The following APC variants were observed in gnomAD, a reference collection of about 807,000 sequenced individuals.
APC encodes the protein adenomatous polyposis coli protein.
In APC, 72 loss-of-function variants were observed where a neutral mutation model predicts 247.0. The observed-to-expected ratio is 0.29, with a 90% CI of 0.24 to 0.35. The LOEUF (loss-of-function observed/expected upper bound fraction) is 0.35, where lower values mean the gene tolerates loss of function less well. Ranked by LOEUF, APC falls within the 10% of genes least tolerant of loss-of-function variation. The probability of loss-of-function intolerance (pLI) is 1.00; values close to 1 mark genes in which losing one functional copy is unlikely to be tolerated. For synonymous variants in APC, 1,254 were observed against 1,162.5 expected, an observed-to-expected ratio of 1.08 and a Z score of -1.60; for missense variants, 3,400 against 3,360.7, an observed-to-expected ratio of 1.01 and a Z score of -0.29.
chr5:112,806,587 T>TTGATTG (rs1561523191), intron 8 of APC, among the ~76,000 whole-genome samples: 1 of 148,704 alleles, frequency 6.7e-6, no homozygotes, highest in African/African-American at 2.5e-5. Flanking sequence ...TTTATTTATT[T>TTGATTG]ATTTATTGAG....
At chr5:112,829,504 G>A (rs1011380732) in intron 14 of APC, 1 of 160,010 alleles carries the variant, frequency 6.2e-6, no homozygotes, top group Non-Finnish European at 1.4e-5. Flanking sequence ...AACTCCTAAA[G>A]TACTAAGGTA....
At chr5:112,798,432 C>A (rs1760436581) in intron 7 of APC, among the ~76,000 whole-genome samples, 1 of 152,166 alleles carries the variant, frequency 6.6e-6, no homozygotes, top group Non-Finnish European at 1.5e-5. Flanking sequence ...TGTAAATGGA[C>A]AGCAGGAATT....
intron 14 of APC, among the ~76,000 whole-genome samples, chr5:112,833,690 A>T (rs1764558832): frequency 6.6e-6 from 1 of 152,166 alleles, no homozygotes; most frequent in Admixed American, 6.5e-5. Flanking sequence ...TTACAATTTG[A>T]CAGTTGACTT....
intron 1 of APC, among the ~76,000 whole-genome samples, chr5:112,720,414 C>G (rs1751419682): frequency 6.6e-6 from 1 of 152,076 alleles, no homozygotes; most frequent in Non-Finnish European, 1.5e-5. Context: ...GCTCACTTGC[C>G]TTTAAAAAAC....
intron 2 of APC, among the ~76,000 whole-genome samples, chr5:112,763,068 A>C (rs1755844130): frequency 6.6e-6 from 1 of 152,176 alleles, no homozygotes; most frequent in Non-Finnish European, 1.5e-5. Flanking sequence ...CTACTTTGGG[A>C]ATCTTTTTAA....
intron 1 of APC, among the ~76,000 whole-genome samples, chr5:112,720,925 T>G (rs1393243254): frequency 6.6e-6 from 1 of 151,566 alleles, no homozygotes. Context: ...GAGAGAAGAG[T>G]AAGGGGTTTG....
At chr5:112,795,002 G>C (rs1391902146) in intron 7 of APC, among the ~76,000 whole-genome samples, 1 of 152,164 alleles carries the variant, frequency 6.6e-6, no homozygotes, top group Non-Finnish European at 1.5e-5. Flanking sequence ...ATCTAGGCAT[G>C]TCACTCTTCT....
chr5:112,773,749 T>C (rs999231623), intron 4 of APC, among the ~76,000 whole-genome samples: 1 of 152,172 alleles, frequency 6.6e-6, no homozygotes, highest in African/African-American at 2.4e-5. Flanking sequence ...CAGAAAATTA[T>C]ATGCAGCCCA....
intron 10 of APC, among the ~76,000 whole-genome samples, chr5:112,821,620 A>C (rs993359602): frequency 1.7e-4 from 26 of 152,190 alleles, no homozygotes; most frequent in Admixed American, 3.3e-4. Flanking sequence ...GTTATTAGCT[A>C]TATGAGTAAT....
intron 2 of APC, among the ~76,000 whole-genome samples, chr5:112,763,657 A>G (rs1265026119): frequency 2.6e-5 from 4 of 152,196 alleles, no homozygotes; most frequent in Non-Finnish European, 4.4e-5. Context: ...CTTTTCTAAA[A>G]ACAAGTAGGA....
At chr5:112,709,102 G>A (rs1050876289) in intron 1 of APC, among the ~76,000 whole-genome samples, 1 of 152,310 alleles carries the variant, frequency 6.6e-6, no homozygotes, top group Non-Finnish European at 1.5e-5. Context: ...CAAATGGGTG[G>A]ACCTTTTTTA....
At chr5:112,708,023 C>G in intron 1 of APC, 1 of 902,676 alleles carries the variant, frequency 1.1e-6, no homozygotes. Flanking sequence ...CCTCCCCGCA[C>G]TCCCCATTCA....
chr5:112,808,845 A>G (rs945283538), intron 8 of APC, among the ~76,000 whole-genome samples: 2 of 152,206 alleles, frequency 1.3e-5, no homozygotes, highest in East Asian at 3.8e-4. Flanking sequence ...ATATTCAAGA[A>G]GTAGAATCAG....
At position 112,837,873 on chromosome 5, in the gene APC, T is replaced by C; in HGVS notation, c.2279T>C (p.Leu760Pro). 6.2e-7 allele frequency: 1 copy of C among 1,614,060 alleles called. No individual in the cohort carries two copies. Among genetic ancestry groups the C allele is most frequent in the Non-Finnish European group, 8.5e-7 (1 of 1,180,016 alleles). ...CTTCATGTTAGGAAACAAAAAGCCC[T>C]AGAAGCAGAATTAGATGCTCAGCAC... ...PSLHVRKQKA[L>P]EAELDAQHLS... is the part of the protein sequence containing the mutation. Residue 760 changes from leucine to proline, a missense_variant, in exon 16 of 16, where the codon CTA becomes CCA. Physicochemically the swap from Leu to Pro is moderately conservative, Grantham distance 98. Transcript: ENST00000257430.
Position 112,843,510 on chromosome 5 carries a change from A to C in APC, c.7916A>C (p.Glu2639Ala), listed in dbSNP as rs778376399. Residue 2639 changes from glutamate (E) to alanine (A), a missense_variant, in exon 16 of 16, where the codon GAA becomes GCA. Physicochemically the swap from Glu to Ala is moderately radical, Grantham distance 107 (BLOSUM62 -1). Around this residue, in one of 9 missense-constraint regions of APC, gnomAD observed 1,788 missense variants for 1,649.5 expected, o/e 1.08. Transcript: ENST00000257430. This position sits in a 1 kb window ranked among gnomAD's most constrained non-coding sequence, Gnocchi z 4.8. ...TCCTCAGGTGCTACAAATGGTGCTG[A>C]ATCAAAGACTCTAATTTATCAAATG... Reference protein sequence around the residue: ...TVSSGATNGAESKTLIYQMAP... With the variant: ...TVSSGATNGAASKTLIYQMAP... The C allele has an allele frequency of 3.7e-6, 6 of 1,613,798 alleles. No homozygotes were observed. Among genetic ancestry groups the C allele is most frequent in the Non-Finnish European group, 5.1e-6 (6 of 1,179,800 alleles).
At chr5:112,771,828 A>C (rs1459101505) in intron 4 of APC, among the ~76,000 whole-genome samples, 1 of 152,152 alleles carries the variant, frequency 6.6e-6, no homozygotes, top group East Asian at 1.9e-4. Flanking sequence ...CATAGTTTAT[A>C]TCTTCTTCCT....
chr5:112,741,539 A>T (rs1477059545), intron 1 of APC, among the ~76,000 whole-genome samples: 1 of 152,174 alleles, frequency 6.6e-6, no homozygotes, highest in Non-Finnish European at 1.5e-5. Context: ...TTTAATATGC[A>T]TAAATTCTTG....
At chr5:112,771,294 G>A (rs1282802704) in intron 4 of APC, among the ~76,000 whole-genome samples, 1 of 152,032 alleles carries the variant, frequency 6.6e-6, no homozygotes, top group Non-Finnish European at 1.5e-5. Flanking sequence ...GATAATATGA[G>A]GATCTAGTTT....
At chr5:112,812,998 C>G (rs1762137473) in intron 8 of APC, among the ~76,000 whole-genome samples, 1 of 152,164 alleles carries the variant, frequency 6.6e-6, no homozygotes, top group South Asian at 2.1e-4. Context: ...CATAAAGAGT[C>G]CAGACCCACA....
Sources: allele counts gnomAD v4.1 joint callset (sites outside exome capture counted in the v4.1 genomes callset), GRCh38; gene constraint gnomAD v4.1.1; regional missense constraint gnomAD v4.1.1; non-coding constraint Gnocchi (gnomAD v3.1); transcripts MANE v1.5; gene names NCBI Gene and HGNC (gene_info 2026-07-23, HGNC 2026-07-21).